The following FRMPD4 variants were observed in gnomAD, a reference collection of about 807,000 sequenced individuals.
FRMPD4 encodes FERM and PDZ domain-containing protein 4.
In FRMPD4, 22 loss-of-function variants were observed where a neutral mutation model predicts 94.1. The ratio of observed to expected loss-of-function variants is 0.23; its 90% CI spans 0.17 to 0.33. The LOEUF is 0.33. Ranked by LOEUF, FRMPD4 falls within the 10% of genes least tolerant of loss-of-function variation. FRMPD4 has a pLI of 1.00. For missense variants in FRMPD4, 1,111 were observed against 1,339.9 expected (o/e 0.83, Z 2.67); for synonymous variants, 631 against 548.6 (o/e 1.15, Z -2.10).
In FRMPD4 at chrX:12,716,052, T is replaced by C. The variant is rs778162535; in HGVS notation, c.1610-17T>C. On this transcript the variant is annotated splice_polypyrimidine_tract_variant and intron_variant, in intron 14 of 16. Coordinates refer to ENST00000675598, the MANE Select transcript of FRMPD4 (RefSeq NM_001368397.1). Reference sequence around the variant, plus strand: ...GACAGTACAGTAATGTGTCTTTGCGTGATTCTTTCTCTTTAGGACCTGAAA... The same window carrying C: ...GACAGTACAGTAATGTGTCTTTGCGCGATTCTTTCTCTTTAGGACCTGAAA... 3.7e-5 allele frequency: 28 copies of C among 760,904 alleles called. No individual in the cohort carries two copies. Among genetic ancestry groups the C allele is most frequent in the Non-Finnish European group, 5.0e-5 (28 of 563,647 alleles). The allele number at this position is 760,904 out of a possible 1,213,427, so 62.7% of individuals were successfully genotyped here. A position where few individuals can be genotyped will look rare whatever the true frequency, so the allele number is the denominator to read the frequency against.
intron 3 of FRMPD4, among the ~76,000 whole-genome samples, chrX:12,037,495 A>G (rs1235444123): frequency 8.9e-6 from 1 of 111,832 alleles, no homozygotes; most frequent in African/African-American, 3.2e-5. Flanking sequence ...GAAATCATAC[A>G]GTGTGTGGCC....
chrX:12,228,913 C>T (rs2056952891), intron 1 of FRMPD4, among the ~76,000 whole-genome samples: 1 of 111,732 alleles, frequency 8.9e-6, no homozygotes, highest in Non-Finnish European at 1.9e-5. Flanking sequence ...TGGATAACAG[C>T]CTTGGTTTCC....
chrX:11,880,705 C>G (rs2053809121), intron 3 of FRMPD4, among the ~76,000 whole-genome samples: 1 of 111,626 alleles, frequency 9.0e-6, no homozygotes, highest in Admixed American at 9.6e-5. Flanking sequence ...TACAGTGGCA[C>G]AATCTCAGTT....
At chrX:11,918,535 C>G (rs369069632) in intron 3 of FRMPD4, among the ~76,000 whole-genome samples, 13 of 112,461 alleles carry the variant, frequency 1.2e-4, no homozygotes, top group East Asian at 8.3e-4. Flanking sequence ...AACTGGGAGG[C>G]AGAGGTTGCA....
intron 3 of FRMPD4, among the ~76,000 whole-genome samples, chrX:11,884,835 G>A (rs1218495812): frequency 9.0e-6 from 1 of 111,609 alleles, no homozygotes; most frequent in East Asian, 2.8e-4. Context: ...ATAGAGGAGA[G>A]ATTAAATATA....
intron 1 of FRMPD4, among the ~76,000 whole-genome samples, chrX:12,286,347 A>G (rs1034951739): frequency 9.0e-6 from 1 of 111,446 alleles, no homozygotes; most frequent in Admixed American, 9.5e-5. Flanking sequence ...CTCATTGTAA[A>G]TGCAGCCCAA....
At chrX:12,051,753 C>T (rs763719796) in intron 3 of FRMPD4, among the ~76,000 whole-genome samples, 191 of 111,413 alleles carry the variant, frequency 1.7e-3, no homozygotes, top group Non-Finnish European at 1.4e-3. Context: ...ATTCACCCTC[C>T]ATCCATCTGT....
chrX:12,427,245 C>A (rs1044484278), intron 1 of FRMPD4, among the ~76,000 whole-genome samples: 4 of 111,684 alleles, frequency 3.6e-5, no homozygotes, highest in Non-Finnish European at 7.5e-5. Context: ...CTCTTTAGTA[C>A]AAAATTTTAC....
intron 1 of FRMPD4, among the ~76,000 whole-genome samples, chrX:12,374,166 G>C (rs1252635596): frequency 1.8e-5 from 2 of 111,884 alleles, no homozygotes; most frequent in Non-Finnish European, 3.8e-5. Context: ...TTCATACTTT[G>C]AACAGGTTTA....
At chrX:12,407,421 C>T (rs2056679330) in intron 1 of FRMPD4, among the ~76,000 whole-genome samples, 1 of 111,905 alleles carries the variant, frequency 8.9e-6, no homozygotes, top group Middle Eastern at 4.2e-3. Flanking sequence ...CCACCATCTA[C>T]AAGCTGTGTG....
intron 2 of FRMPD4, among the ~76,000 whole-genome samples, chrX:12,541,431 A>G (rs1008962850): frequency 2.1e-4 from 24 of 112,123 alleles, no homozygotes; most frequent in African/African-American, 7.8e-4. Context: ...CCACAGAAAT[A>G]CAAACTACCA....
chrX:12,403,979 T>G (rs1375619115), intron 1 of FRMPD4, among the ~76,000 whole-genome samples: 1 of 111,695 alleles, frequency 9.0e-6, no homozygotes, highest in African/African-American at 3.3e-5. Flanking sequence ...AGTGTAAACT[T>G]TTTTAGAGCT....
chrX:12,069,921 A>G (rs2054952234), intron 3 of FRMPD4, among the ~76,000 whole-genome samples: 2 of 111,837 alleles, frequency 1.8e-5, no homozygotes, highest in South Asian at 7.6e-4. Context: ...AATGATGGAG[A>G]AAAAACGACC....
At chrX:12,102,247 G>A (rs114955544) in intron 3 of FRMPD4, among the ~76,000 whole-genome samples, 54 of 111,559 alleles carry the variant, frequency 4.8e-4, no homozygotes, top group African/African-American at 1.5e-3. Context: ...CACCTTTAAC[G>A]TATCAATCTA....
At chrX:12,177,427 C>A (rs1484165761) in intron 1 of FRMPD4, among the ~76,000 whole-genome samples, 1 of 111,636 alleles carries the variant, frequency 9.0e-6, no homozygotes, top group African/African-American at 3.2e-5. Flanking sequence ...TTTCAGGATG[C>A]AAGGAAAAAA....
chrX:12,170,711 A>AAGGAGGAGCTCC (rs1555928832), intron 1 of FRMPD4, among the ~76,000 whole-genome samples: 1 of 110,857 alleles, frequency 9.0e-6, no homozygotes, highest in African/African-American at 3.3e-5. Flanking sequence ...GCTTGGTGGC[A>AAGGAGGAGCTCC]ACTCCCGCGA....
At chrX:12,611,721 C>T (rs2059185798) in intron 3 of FRMPD4, among the ~76,000 whole-genome samples, 1 of 112,088 alleles carries the variant, frequency 8.9e-6, no homozygotes, top group African/African-American at 3.2e-5. Context: ...GGGCAAGCAC[C>T]ACAAATAATT....
chrX:12,487,153 A>G (rs755305723), intron 1 of FRMPD4, among the ~76,000 whole-genome samples: 1 of 111,915 alleles, frequency 8.9e-6, no homozygotes, highest in South Asian at 3.8e-4. Context: ...AAAGACATAA[A>G]CCATAAATCT....
chrX:12,158,254 CAGT>C (rs1215060769), intron 1 of FRMPD4, among the ~76,000 whole-genome samples: 1 of 111,340 alleles, frequency 9.0e-6, no homozygotes, highest in East Asian at 2.8e-4. Context: ...TAGAGGTTCC[CAGT>C]AGTTGTAAAC....
Sources: allele counts gnomAD v4.1 joint callset (sites outside exome capture counted in the v4.1 genomes callset), GRCh38; gene constraint gnomAD v4.1.1; transcripts MANE v1.5; gene names NCBI Gene and HGNC (gene_info 2026-07-23, HGNC 2026-07-21).